Variants in CADM2 observed in about 807,000 individuals in gnomAD.
CADM2 encodes cell adhesion molecule 2.
Under a neutral mutation model 49.8 loss-of-function variants are expected in CADM2, and 12 were observed. That is an observed-to-expected ratio of 0.24 (90% CI 0.15 to 0.39). The LOEUF (loss-of-function observed/expected upper bound fraction) is 0.39. Among genes scored for constraint, CADM2 ranks in the 10% least tolerant of loss-of-function variants. The pLI, the probability that CADM2 is intolerant of heterozygous loss-of-function variation, is 1.00. For synonymous variants in CADM2, 214 were observed against 175.4 expected, an observed-to-expected ratio of 1.22 and a Z score of -1.74; for missense variants, 378 against 492.3, an observed-to-expected ratio of 0.77 and a Z score of 2.20.
intron 8 of CADM2, among the ~76,000 whole-genome samples, chr3:85,980,145 TC>T (rs1188769411): frequency 6.6e-6 from 1 of 151,578 alleles, no homozygotes; most frequent in Non-Finnish European, 1.5e-5. Context: ...TCTGTCTTTT[TC>T]TTATTTCTTA....
intron 1 of CADM2, among the ~76,000 whole-genome samples, chr3:85,565,206 T>G (rs537571328): frequency 6.8e-6 from 1 of 147,658 alleles, no homozygotes; most frequent in East Asian, 2.1e-4. Flanking sequence ...TGCATGTATC[T>G]GTCAATCTGT....
intron 3 of CADM2, among the ~76,000 whole-genome samples, chr3:85,869,828 A>AT (rs1195011595): frequency 6.6e-6 from 1 of 151,756 alleles, no homozygotes; most frequent in African/African-American, 2.4e-5. Flanking sequence ...GGCCTGGCTA[A>AT]TTTTTTGTAT....
At chr3:85,049,748 A>G (rs549150116) in intron 1 of CADM2, among the ~76,000 whole-genome samples, 1 of 152,338 alleles carries the variant, frequency 6.6e-6, no homozygotes, top group East Asian at 1.9e-4. Flanking sequence ...CAGCTTTAAA[A>G]AATAAATATT....
chr3:85,555,464 T>C (rs62250464), intron 1 of CADM2, among the ~76,000 whole-genome samples: 46,397 of 151,956 alleles, frequency 0.31, 8,106 homozygotes, highest in East Asian at 0.55. Context: ...ATAGTATTAA[T>C]TGTATTTCAG....
chr3:85,578,074 T>G (rs28510680), intron 1 of CADM2, among the ~76,000 whole-genome samples: 20 of 151,746 alleles, frequency 1.3e-4, no homozygotes, highest in Non-Finnish European at 2.6e-4. Context: ...TTATTTATTT[T>G]TATTTATTTT....
intron 1 of CADM2, among the ~76,000 whole-genome samples, chr3:85,630,877 A>T (rs2107521291): frequency 6.6e-6 from 1 of 152,072 alleles, no homozygotes; most frequent in Middle Eastern, 3.4e-3. Context: ...TATCAACCAG[A>T]TCTCCTGCCT....
intron 8 of CADM2, among the ~76,000 whole-genome samples, chr3:85,983,790 T>C (rs1248101047): frequency 2.4e-5 from 3 of 127,110 alleles, no homozygotes; most frequent in African/African-American, 8.3e-5. Flanking sequence ...TATCTGTCTA[T>C]CTACCTATCT....
intron 1 of CADM2, among the ~76,000 whole-genome samples, chr3:85,601,153 T>C (rs1366610559): frequency 2.4e-5 from 3 of 126,584 alleles, no homozygotes; most frequent in African/African-American, 6.3e-5. Context: ...TATATATATA[T>C]ATATATATAT....
chr3:85,145,079 T>C (rs1325536949), intron 1 of CADM2, among the ~76,000 whole-genome samples: 1 of 152,180 alleles, frequency 6.6e-6, no homozygotes, highest in Non-Finnish European at 1.5e-5. Context: ...TTCTAGAATG[T>C]TTTACTGTTC....
At chr3:85,971,138 T>A (rs1434268173) in intron 8 of CADM2, among the ~76,000 whole-genome samples, 1 of 151,608 alleles carries the variant, frequency 6.6e-6, no homozygotes, top group Non-Finnish European at 1.5e-5. Context: ...ATGAGATTAT[T>A]TTTCAGTTGA....
chr3:85,135,333 T>C (rs975057876), intron 1 of CADM2, among the ~76,000 whole-genome samples: 3 of 152,034 alleles, frequency 2.0e-5, no homozygotes, highest in Non-Finnish European at 4.4e-5. Flanking sequence ...TAGAACTTAC[T>C]CCCTCTCTAA....
intron 1 of CADM2, among the ~76,000 whole-genome samples, chr3:84,985,958 A>G (rs1339935971): frequency 2.0e-5 from 3 of 152,216 alleles, no homozygotes; most frequent in Admixed American, 2.0e-4. Context: ...TTAGTGGGAT[A>G]CAACTCTCCT....
chr3:85,603,399 TTTTG>T (rs2063466020), intron 1 of CADM2, among the ~76,000 whole-genome samples: 1 of 151,664 alleles, frequency 6.6e-6, no homozygotes. Context: ...TCCTTTTAAT[TTTTG>T]TTTTTTTCTC....
intron 1 of CADM2, among the ~76,000 whole-genome samples, chr3:85,640,589 A>G (rs1326793749): frequency 1.3e-5 from 2 of 152,144 alleles, no homozygotes; most frequent in African/African-American, 4.8e-5. Flanking sequence ...GACGTTTGGT[A>G]TGTCAGGAGC....
At chr3:85,104,278 T>C (rs1336233342) in intron 1 of CADM2, among the ~76,000 whole-genome samples, 2 of 151,540 alleles carry the variant, frequency 1.3e-5, no homozygotes, top group Non-Finnish European at 2.9e-5. Context: ...CTAGCCAGTT[T>C]TCCCAGCACC....
intron 7 of CADM2, among the ~76,000 whole-genome samples, chr3:85,951,798 T>C (rs1433131227): frequency 6.6e-6 from 1 of 151,050 alleles, no homozygotes; most frequent in Non-Finnish European, 1.5e-5. Context: ...TCCTTTTTCT[T>C]TAGCTTGCTT....
chr3:85,098,027 G>C (rs773807543), intron 1 of CADM2, among the ~76,000 whole-genome samples: 3 of 152,124 alleles, frequency 2.0e-5, no homozygotes, highest in Non-Finnish European at 4.4e-5. Flanking sequence ...ATTAGAGAAT[G>C]AATTTGTGTC....
At chr3:85,942,882 C>T (rs923149296) in intron 7 of CADM2, among the ~76,000 whole-genome samples, 121 of 151,892 alleles carry the variant, frequency 8.0e-4, no homozygotes, top group Middle Eastern at 3.4e-3. Context: ...ATGGTATTTC[C>T]AGTTCTAGAT....
chr3:85,353,476 T>TTAATTTTA (rs771217466), intron 1 of CADM2, among the ~76,000 whole-genome samples: 7 of 152,076 alleles, frequency 4.6e-5, no homozygotes, highest in Non-Finnish European at 7.4e-5. Flanking sequence ...TTCATTTGAA[T>TTAATTTTA]TAATTTTATA....
Sources: gnomAD v4.1 joint callset for allele counts (sites outside exome capture counted in the v4.1 genomes callset) on GRCh38, gnomAD v4.1.1 for gene constraint, MANE v1.5 for transcripts, NCBI Gene and HGNC (gene_info 2026-07-23, HGNC 2026-07-21) for gene names.